Variants in IL18R1 observed in about 807,000 individuals in gnomAD.
IL18R1 encodes the protein interleukin 18 receptor 1.
Under a neutral mutation model 48.5 loss-of-function variants are expected in IL18R1, and 40 were observed. That is an observed-to-expected ratio of 0.82 (90% confidence interval 0.64 to 1.07). The LOEUF is 1.07. Among genes scored for constraint, IL18R1 ranks in the 50% least tolerant of loss-of-function variants. The pLI, the probability that IL18R1 is intolerant of heterozygous loss-of-function variation, is 0.00. For synonymous variants in IL18R1, 232 were observed against 225.9 expected (o/e 1.03, Z -0.24); for missense variants, 596 against 633.7 (o/e 0.94, Z 0.64).
chr2:102,396,131 T>C (rs1680812301), intron 10 of IL18R1, among the ~76,000 whole-genome samples: 1 of 152,084 alleles, frequency 6.6e-6, no homozygotes, highest in Non-Finnish European at 1.5e-5. Context: ...GTTAGAAAAA[T>C]GTATTCCACT....
At chr2:102,385,037 A>G in intron 7 of IL18R1, 39 bp downstream of exon 7, 2 of 1,098,110 alleles carry the variant, frequency 1.8e-6, no homozygotes, top group Non-Finnish European at 2.7e-6. Context: ...TATATACCAT[A>G]TAACAATCAT....
chr2:102,392,610 TA>T (rs1380433687), intron 9 of IL18R1, among the ~76,000 whole-genome samples: 1 of 152,198 alleles, frequency 6.6e-6, no homozygotes. Context: ...TATCACAATT[TA>T]ATACTGCTGC....
At chr2:102,358,519 A>C (rs1331500523) in intron 1 of IL18R1, among the ~76,000 whole-genome samples, 4 of 152,262 alleles carry the variant, frequency 2.6e-5, no homozygotes, top group Admixed American at 2.0e-4. Context: ...ACATATGTAC[A>C]TGCACAAATA....
chr2:102,392,420 A>G (rs79393089), intron 9 of IL18R1, among the ~76,000 whole-genome samples: 6 of 152,106 alleles, frequency 3.9e-5, no homozygotes, highest in Non-Finnish European at 5.9e-5. Flanking sequence ...TTCCTTCTCC[A>G]GTTGTGTTTG....
chr2:102,394,401 C>A, intron 9 of IL18R1, 68 bp from the exon 10 acceptor site: 1 of 1,262,000 alleles, frequency 7.9e-7, no homozygotes. Flanking sequence ...TTACGACATT[C>A]ACTTAAGTTT....
intron 4 of IL18R1, 41 bp from the exon 5 acceptor site, chr2:102,375,866 G>T: frequency 3.6e-6 from 5 of 1,383,374 alleles, no homozygotes; most frequent in South Asian, 1.6e-5. Flanking sequence ...TATCAATTTG[G>T]CTTTTACTTA....
chr2:102,379,221 A>C (rs1573211411), intron 5 of IL18R1, among the ~76,000 whole-genome samples: 1 of 152,138 alleles, frequency 6.6e-6, no homozygotes, highest in East Asian at 1.9e-4. Context: ...AGGCGGATGG[A>C]TCACCTGAGG....
At chr2:102,362,503 T>G (rs1346423179) in intron 1 of IL18R1, 130 bp from the exon 2 acceptor site, 1 of 528,408 alleles carries the variant, frequency 1.9e-6, no homozygotes, top group Non-Finnish European at 3.4e-6. Context: ...GGTTACTATA[T>G]TAAGGATTAT....
At chr2:102,356,726 C>T (rs1678271740) in intron 1 of IL18R1, among the ~76,000 whole-genome samples, 1 of 152,124 alleles carries the variant, frequency 6.6e-6, no homozygotes, top group Non-Finnish European at 1.5e-5. Flanking sequence ...ACTTAATCCT[C>T]CTAAGGGCCA....
intron 9 of IL18R1, among the ~76,000 whole-genome samples, chr2:102,393,342 G>T (rs1245166977): frequency 6.6e-6 from 1 of 152,196 alleles, no homozygotes; most frequent in African/African-American, 2.4e-5. Context: ...ATGTAAGCCT[G>T]AAATTTTTAC....
intron 6 of IL18R1, among the ~76,000 whole-genome samples, chr2:102,382,024 G>A (rs528833425): frequency 6.6e-6 from 1 of 152,280 alleles, no homozygotes; most frequent in East Asian, 1.9e-4. Flanking sequence ...TGTAATCCCA[G>A]CACTTTGGGA....
In IL18R1 at chr2:102,383,718, A is replaced by T. The variant is rs1463376320; in HGVS notation, c.689-1160A>T. Among the ~76,000 whole-genome samples the T allele has an allele frequency of 2.0e-5, 3 of 152,102 alleles. No individual in the cohort carries two copies. In the South Asian group the frequency reaches 6.2e-4, roughly 31 times the overall value. On this transcript the variant is annotated intron_variant, in intron 6 of 10. Coordinates refer to ENST00000233957, the MANE Select transcript of IL18R1 (RefSeq NM_003855.5). ...CATGTATTTGGGTCTTTTTTGAAAT[A>T]TGGTCAGTATGGTGTTTAGTCCATC... is the stretch of plus-strand genomic sequence containing the variant.
chr2:102,372,418 C>T (rs1489928938), intron 4 of IL18R1, among the ~76,000 whole-genome samples: 1 of 152,160 alleles, frequency 6.6e-6, no homozygotes, highest in Non-Finnish European at 1.5e-5. Context: ...TTTAGGAATG[C>T]TAGTTTAAGG....
At chr2:102,371,178 C>T (rs1679235841) in intron 3 of IL18R1, among the ~76,000 whole-genome samples, 1 of 151,934 alleles carries the variant, frequency 6.6e-6, no homozygotes, top group Admixed American at 6.6e-5. Context: ...GCTGGGATTA[C>T]CGTACCCAGC....
chr2:102,367,839 C>T lies in IL18R1; in HGVS notation c.73C>T (p.Arg25Cys), dbSNP rs764548979. 75 of 1,612,314 alleles carry T rather than the reference C, an allele frequency of 4.7e-5. No individual in the cohort carries two copies. The highest frequency in any genetic ancestry group is 5.3e-5 in the Non-Finnish European group (62 of 1,178,532). ...ATCTTTTGAAGAATCTTGTACTTCA[C>T]GTCCCCACATTACTGTGGTTGAAGG... Reference protein sequence around the residue: ...SVSTAESCTSRPHITVVEGEP... With the variant: ...SVSTAESCTSCPHITVVEGEP... The change falls in exon 3 of 11, where the codon CGT (arginine) becomes TGT (cysteine). Residue 25 changes from arginine (R) to cysteine (C), a missense_variant. Arg to Cys is a radical substitution (Grantham distance 180, BLOSUM62 -3). This residue lies in a region of IL18R1 where 360 missense variants were observed against 339.4 expected (regional missense o/e 1.06). Coordinates refer to ENST00000233957, the MANE Select transcript of IL18R1 (RefSeq NM_003855.5).
rs1214239884 is a variant in IL18R1, at chr2:102,381,677, A to G, written c.683A>G (p.Glu228Gly). The change falls in exon 6 of 11, where the codon GAA (glutamate) becomes GGA (glycine). Residue 228 changes from glutamate to glycine, a missense_variant. Physicochemically the swap from Glu to Gly is moderately conservative, Grantham distance 98. Coordinates refer to ENST00000233957, the MANE Select transcript of IL18R1 (RefSeq NM_003855.5). Reference protein sequence around the residue: ...LGPKLNHVAVELGKNVRLNCS... With the variant: ...LGPKLNHVAVGLGKNVRLNCS... ...CCAAAGCTTAACCATGTTGCAGTGG[A>G]ATTAGGTATATTTCAATATACATAT... 2 of 1,605,408 alleles carry G rather than the reference A, an allele frequency of 1.2e-6. No individual in the cohort carries two copies. The highest frequency in any genetic ancestry group is 1.7e-6 in the Non-Finnish European group (2 of 1,172,172).
rs1678226875 is a variant in IL18R1, at chr2:102,356,048, CA to C, written c.-380del. On this transcript the variant is annotated 5_prime_UTR_variant, in exon 1 of 11. Coordinates refer to ENST00000233957, the MANE Select transcript of IL18R1 (RefSeq NM_003855.5). ...GAGGATTCTACGCCAGGGAGCGCCCCAGACTGAGAGCGCCCCAGACCGCTAC... is the reference window on the plus strand; with the variant it reads ...GAGGATTCTACGCCAGGGAGCGCCCCGACTGAGAGCGCCCCAGACCGCTAC... The C allele has an allele frequency of 8.3e-6, 1 of 120,914 alleles. No homozygotes were observed. The highest frequency in any genetic ancestry group is 2.0e-5 in the Non-Finnish European group (1 of 51,268). The allele number at this position is 120,914 out of a possible 1,614,324, so 7.5% of individuals were successfully genotyped here. A position where few individuals can be genotyped will look rare whatever the true frequency, so the allele number is the denominator to read the frequency against.
intron 2 of IL18R1, 37 bp from the exon 3 acceptor site, chr2:102,367,788 T>C: frequency 1.3e-6 from 2 of 1,569,248 alleles, no homozygotes; most frequent in Non-Finnish European, 1.7e-6. Context: ...ATTTTGGTTT[T>C]TGTTTTTATT....
intron 9 of IL18R1, 127 bp from the exon 10 acceptor site, chr2:102,394,342 A>G (rs1314017946): frequency 1.5e-6 from 1 of 672,436 alleles, no homozygotes; most frequent in Non-Finnish European, 2.3e-6. Flanking sequence ...GTTTAAATAT[A>G]AACAACTTTA....
Sources: allele counts gnomAD v4.1 joint callset (sites outside exome capture counted in the v4.1 genomes callset), GRCh38; gene constraint gnomAD v4.1.1; regional missense constraint gnomAD v4.1.1; transcripts MANE v1.5; gene names NCBI Gene and HGNC (gene_info 2026-07-23, HGNC 2026-07-21).